Variants in PPFIA2 observed in about 807,000 individuals in gnomAD.
The protein encoded by PPFIA2 is PPFI scaffold protein A2, also known as liprin-alpha-2.
A neutral mutation model predicts 175.5 loss-of-function variants in PPFIA2; 46 were observed. The ratio of observed to expected loss-of-function variants is 0.26; its 90% CI spans 0.21 to 0.34. PPFIA2 has a LOEUF of 0.34. Among genes scored for constraint, PPFIA2 ranks in the 10% least tolerant of loss-of-function variants. The pLI, the probability that PPFIA2 is intolerant of heterozygous loss-of-function variation, is 1.00. For synonymous variants in PPFIA2, 568 were observed against 511.4 expected, an observed-to-expected ratio of 1.11 and a Z score of -1.49; for missense variants, 1,179 against 1,506.1, an observed-to-expected ratio of 0.78 and a Z score of 3.60.
intron 24 of PPFIA2, among the ~76,000 whole-genome samples, chr12:81,288,543 T>G (rs768771802): frequency 6.6e-6 from 1 of 151,756 alleles, no homozygotes; most frequent in Non-Finnish European, 1.5e-5. Flanking sequence ...AGAAATAACT[T>G]GTGAAAATTA....
intron 3 of PPFIA2, among the ~76,000 whole-genome samples, chr12:81,727,582 A>G (rs919683731): frequency 2.0e-5 from 3 of 151,388 alleles, no homozygotes; most frequent in African/African-American, 7.3e-5. Flanking sequence ...CCAAGGCCCC[A>G]CCCAAGACCT....
chr12:81,669,162 C>T (rs1340027985), intron 4 of PPFIA2, among the ~76,000 whole-genome samples: 1 of 151,782 alleles, frequency 6.6e-6, no homozygotes, highest in Non-Finnish European at 1.5e-5. Context: ...TCCCTGGGTC[C>T]TATTTCTTTC....
chr12:81,733,455 A>G (rs1010823514), intron 3 of PPFIA2, among the ~76,000 whole-genome samples: 1 of 151,630 alleles, frequency 6.6e-6, no homozygotes, highest in Non-Finnish European at 1.5e-5. Flanking sequence ...AAGAGGGTAG[A>G]TCTCATGTTA....
At chr12:81,665,057 G>A (rs2069867847) in intron 4 of PPFIA2, among the ~76,000 whole-genome samples, 1 of 151,892 alleles carries the variant, frequency 6.6e-6, no homozygotes, top group African/African-American at 2.4e-5. Context: ...GCAGGGGGGA[G>A]GGATAGCATT....
In PPFIA2 at chr12:81,598,211, A is replaced by G. The variant is rs993896442; in HGVS notation, c.303+78580T>C. The G allele has an allele frequency of 2.2e-6, 3 of 1,361,824 alleles. No homozygotes were observed. The African/African-American group carries it at 4.5e-5, about 20-fold the overall frequency. 84.4% of individuals were successfully genotyped at this position (1,361,824 alleles called of 1,614,324 possible). On this transcript the variant is annotated intron_variant, in intron 4 of 32. Coordinates refer to ENST00000549396, the MANE Select transcript of PPFIA2 (RefSeq NM_003625.5). Reference sequence around the variant, plus strand: ...ATTGTTCTTCTACATTTGAAATCTTAGCTGAAAGATCATCAGCCACCGACC... The same window carrying G: ...ATTGTTCTTCTACATTTGAAATCTTGGCTGAAAGATCATCAGCCACCGACC...
chr12:81,662,586 G>A (rs907820633), intron 4 of PPFIA2, among the ~76,000 whole-genome samples: 2 of 152,030 alleles, frequency 1.3e-5, no homozygotes, highest in African/African-American at 4.8e-5. Flanking sequence ...AAAAGTCCAG[G>A]ACCAGATGGA....
At chr12:81,609,552 T>G (rs1430653783) in intron 4 of PPFIA2, among the ~76,000 whole-genome samples, 1 of 152,190 alleles carries the variant, frequency 6.6e-6, no homozygotes, top group Non-Finnish European at 1.5e-5. Flanking sequence ...TTCTTAATTT[T>G]TATTGGTGAA....
intron 4 of PPFIA2, among the ~76,000 whole-genome samples, chr12:81,579,878 C>G (rs892302843): frequency 6.6e-6 from 1 of 151,654 alleles, no homozygotes; most frequent in South Asian, 2.1e-4. Context: ...TTCATTTTCT[C>G]CTACATATTT....
At chr12:81,360,107 T>C (rs2061401457) in intron 15 of PPFIA2, among the ~76,000 whole-genome samples, 1 of 151,976 alleles carries the variant, frequency 6.6e-6, no homozygotes, top group Non-Finnish European at 1.5e-5. Flanking sequence ...TATTGCCATC[T>C]ACCCTTCTAG....
At chr12:81,318,025 T>C (rs2052792905) in intron 22 of PPFIA2, among the ~76,000 whole-genome samples, 1 of 151,722 alleles carries the variant, frequency 6.6e-6, no homozygotes, top group Non-Finnish European at 1.5e-5. Flanking sequence ...CTAATAATTC[T>C]CCTACAGTCA....
At chr12:81,737,950 T>C (rs1036476640) in intron 3 of PPFIA2, among the ~76,000 whole-genome samples, 3 of 151,876 alleles carry the variant, frequency 2.0e-5, no homozygotes, top group Non-Finnish European at 4.4e-5. Flanking sequence ...CAGTATTTAC[T>C]GAACAAAAGT....
chr12:81,638,124 G>C (rs2064359692), intron 4 of PPFIA2, among the ~76,000 whole-genome samples: 1 of 151,752 alleles, frequency 6.6e-6, no homozygotes, highest in South Asian at 2.1e-4. Flanking sequence ...CCTTCTTCTT[G>C]TCATCTCATC....
intron 4 of PPFIA2, among the ~76,000 whole-genome samples, chr12:81,664,183 G>A (rs368652782): frequency 3.9e-5 from 6 of 151,990 alleles, no homozygotes; most frequent in South Asian, 2.1e-4. Context: ...GCCAAAATTG[G>A]CAAATGGGAT....
In PPFIA2 at chr12:81,493,403, G is replaced by T. The variant is rs570383032; in HGVS notation, c.304-35537C>A. On this transcript the variant is annotated intron_variant, in intron 4 of 32. Transcript: ENST00000549396. Reference sequence around the variant, plus strand: ...AAGAAGAGAGCTAATGAAAGATACTGAGAGAGTGGCTATTACAGGGATGGG... The same window carrying T: ...AAGAAGAGAGCTAATGAAAGATACTTAGAGAGTGGCTATTACAGGGATGGG... Among the ~76,000 whole-genome samples the T allele has an allele frequency of 1.1e-4, 16 of 152,046 alleles. No individual in the cohort carries two copies. In the South Asian group the frequency reaches 3.1e-3, roughly 30 times the overall value.
intron 4 of PPFIA2, among the ~76,000 whole-genome samples, chr12:81,619,811 C>T (rs928596744): frequency 1.4e-4 from 21 of 152,100 alleles, no homozygotes; most frequent in Admixed American, 3.3e-4. Flanking sequence ...ATTCACGATA[C>T]TAAATATTCA....
chr12:81,690,217 A>G lies in PPFIA2; in HGVS notation c.250-13373T>C, dbSNP rs554482136. On this transcript the variant is annotated intron_variant, in intron 3 of 32. Transcript: ENST00000549396. ...CTATGTAACACAATATTAAAATTGG[A>G]ATCTTTCTCAATTTTAGCTTTGGTC... 2.0e-5 allele frequency among the ~76,000 whole-genome samples: 3 copies of G among 152,210 alleles called. No homozygotes were observed. The South Asian group carries it at 6.2e-4, about 32-fold the overall frequency.
intron 4 of PPFIA2, among the ~76,000 whole-genome samples, chr12:81,561,766 C>T (rs960401820): frequency 6.6e-6 from 1 of 152,166 alleles, no homozygotes; most frequent in South Asian, 2.1e-4. Flanking sequence ...AAAGGGTCTC[C>T]ACTTTCTAGG....
intron 7 of PPFIA2, among the ~76,000 whole-genome samples, chr12:81,411,544 G>A (rs1444604159): frequency 1.3e-5 from 2 of 152,020 alleles, no homozygotes; most frequent in Non-Finnish European, 2.9e-5. Flanking sequence ...TGGTAGTCTT[G>A]GCGGCTGGGC....
At chr12:81,438,018 A>G (rs1202964971) in intron 7 of PPFIA2, among the ~76,000 whole-genome samples, 1 of 150,784 alleles carries the variant, frequency 6.6e-6, no homozygotes, top group Non-Finnish European at 1.5e-5. Flanking sequence ...AAAGATGGCT[A>G]TTTCATCATT....
Sources: gnomAD v4.1 joint callset for allele counts (sites outside exome capture counted in the v4.1 genomes callset) on GRCh38, gnomAD v4.1.1 for gene constraint, MANE v1.5 for transcripts, NCBI Gene and HGNC (gene_info 2026-07-23, HGNC 2026-07-21) for gene names.